The following PDZRN3 variants were observed in gnomAD, a reference collection of about 807,000 sequenced individuals.
PDZRN3 encodes E3 ubiquitin-protein ligase PDZRN3.
A neutral mutation model predicts 85.7 loss-of-function variants in PDZRN3; 38 were observed. The ratio of observed to expected loss-of-function variants is 0.44; its 90% CI spans 0.34 to 0.58. The LOEUF is 0.58. Ranked by LOEUF, PDZRN3 falls within the 20% of genes least tolerant of loss-of-function variation. The pLI is 0.01. For synonymous variants in PDZRN3, 759 were observed against 638.0 expected (o/e 1.19, Z -2.86); for missense variants, 1,629 against 1,506.4 (o/e 1.08, Z -1.35).
At chr3:73,433,921 C>T (rs577722326) in intron 3 of PDZRN3, 16 of 1,419,146 alleles carry the variant, frequency 1.1e-5, no homozygotes, top group East Asian at 1.0e-4. Context: ...CATGCATGCA[C>T]GCGCGTGCAC....
chr3:73,474,625 C>A, intron 3 of PDZRN3: 14 of 1,231,432 alleles, frequency 1.1e-5, no homozygotes, highest in Non-Finnish European at 1.5e-5. Flanking sequence ...GAGTACTGAG[C>A]AAATGCTATG....
intron 3 of PDZRN3, among the ~76,000 whole-genome samples, chr3:73,489,144 G>A (rs1302655532): frequency 6.6e-6 from 1 of 152,208 alleles, no homozygotes; most frequent in East Asian, 1.9e-4. Context: ...AGCAGGAGAG[G>A]TACCCAGCAG....
chr3:73,547,279 T>G (rs1258838273), intron 3 of PDZRN3, among the ~76,000 whole-genome samples: 2 of 152,230 alleles, frequency 1.3e-5, no homozygotes, highest in Admixed American at 1.3e-4. Flanking sequence ...TAGATAGTTG[T>G]TTTCTTTAAA....
chr3:73,568,659 A>G (rs1383200028), intron 3 of PDZRN3, among the ~76,000 whole-genome samples: 1 of 152,218 alleles, frequency 6.6e-6, no homozygotes, highest in Non-Finnish European at 1.5e-5. Context: ...ATGGTAGCAC[A>G]TGGCAGCAGA....
chr3:73,611,572 C>T (rs922983630), intron 1 of PDZRN3, among the ~76,000 whole-genome samples: 29 of 152,158 alleles, frequency 1.9e-4, no homozygotes, highest in Non-Finnish European at 2.9e-5. Context: ...AGTTGATTTA[C>T]AGTAGTAAAG....
At position 73,389,876 on chromosome 3, in the gene PDZRN3, A is replaced by G. The variant is rs754233825; in HGVS notation, c.1356T>C (p.Ile452=). 6.2e-7 allele frequency: 1 copy of G among 1,612,454 alleles called. No homozygotes were observed. The highest frequency in any genetic ancestry group is 1.7e-5 in the Admixed American group (1 of 60,032). Residue 452 remains isoleucine (I), a splice_region_variant and synonymous_variant, in exon 7 of 10, where the codon ATT becomes ATC. Transcript: ENST00000263666. ...EDDIGIYISE[I]DPNSIAAKDG... ...CCTTGGCTGCAATGCTGTTAGGGTC[A>G]ATCTGAAACACACATGGACCATCTC...
intron 3 of PDZRN3, among the ~76,000 whole-genome samples, chr3:73,579,828 C>CTGTG (rs893894162): frequency 1.3e-5 from 2 of 151,164 alleles, no homozygotes; most frequent in African/African-American, 2.4e-5. Flanking sequence ...TGGAGTGTCT[C>CTGTG]TGTGTGTGTG....
chr3:73,612,417 T>C (rs998431822), intron 1 of PDZRN3, among the ~76,000 whole-genome samples: 4 of 152,214 alleles, frequency 2.6e-5, no homozygotes, highest in Non-Finnish European at 5.9e-5. Flanking sequence ...AGACAATTAA[T>C]TCATCTGGCA....
chr3:73,475,832 G>A (rs141844053), intron 3 of PDZRN3, among the ~76,000 whole-genome samples: 1 of 152,336 alleles, frequency 6.6e-6, no homozygotes, highest in East Asian at 1.9e-4. Context: ...TGGCAAAGGA[G>A]CAAATGCAAG....
intron 2 of PDZRN3, among the ~76,000 whole-genome samples, chr3:73,605,207 C>CAAACAAAAAA (rs1702579786): frequency 1.0e-5 from 1 of 96,462 alleles, no homozygotes. Context: ...ACCCCCGTCT[C>CAAACAAAAAA]AAAAAAAAAA....
intron 7 of PDZRN3, among the ~76,000 whole-genome samples, chr3:73,388,667 A>C (rs1701450217): frequency 6.6e-6 from 1 of 151,970 alleles, no homozygotes; most frequent in Non-Finnish European, 1.5e-5. Flanking sequence ...TCCTGGTGGA[A>C]CGCCGCCTCC....
intron 2 of PDZRN3, 107 bp downstream of exon 2, chr3:73,608,491 G>T (rs1226046754): frequency 6.8e-6 from 5 of 740,404 alleles, no homozygotes; most frequent in Non-Finnish European, 1.2e-5. Context: ...ACAGAGAGCA[G>T]AATGAAGTGA....
At chr3:73,443,921 A>C (rs1702697622) in intron 3 of PDZRN3, among the ~76,000 whole-genome samples, 1 of 152,188 alleles carries the variant, frequency 6.6e-6, no homozygotes. Flanking sequence ...AAAAATAATC[A>C]CATCAATTTC....
chr3:73,387,723 T>G (rs1701427050), intron 8 of PDZRN3, among the ~76,000 whole-genome samples: 1 of 152,176 alleles, frequency 6.6e-6, no homozygotes, highest in African/African-American at 2.4e-5. Flanking sequence ...TTCCTTTTCC[T>G]TCCCTATGAT....
chr3:73,523,171 C>T (rs1405935858), intron 3 of PDZRN3, among the ~76,000 whole-genome samples: 1 of 152,110 alleles, frequency 6.6e-6, no homozygotes, highest in African/African-American at 2.4e-5. Flanking sequence ...GGACTACAGG[C>T]ATGCATCACC....
At chr3:73,464,048 C>T (rs906675479) in intron 3 of PDZRN3, among the ~76,000 whole-genome samples, 3 of 152,150 alleles carry the variant, frequency 2.0e-5, no homozygotes, top group African/African-American at 7.2e-5. Context: ...TGAAACAGGG[C>T]GATCTCGGCT....
At chr3:73,589,049 ATTTT>A (rs11341187) in intron 3 of PDZRN3, among the ~76,000 whole-genome samples, 1 of 140,618 alleles carries the variant, frequency 7.1e-6, no homozygotes, top group African/African-American at 2.6e-5. Context: ...AGAAGATATG[ATTTT>A]TTTTTTTTTT....
chr3:73,608,638 C>T lies in PDZRN3; in HGVS notation c.770G>A (p.Gly257Asp). ...SLTLVLHRDS[G>D]SLGFNIIGGR... ...ACCAATAATATTGAATCCCAGGGAG[C>T]CGGAGTCCCGATGCAGGACAAGAGT... The change falls in exon 2 of 10, where the codon GGC becomes GAC. Residue 257 changes from glycine (G) to aspartate (D), a missense_variant. Physicochemically the swap from Gly to Asp is moderately conservative, Grantham distance 94. Coordinates refer to ENST00000263666, the MANE Select transcript of PDZRN3 (RefSeq NM_015009.3). The T allele has an allele frequency of 6.2e-7, 1 of 1,612,876 alleles. No individual in the cohort carries two copies. The highest frequency in any genetic ancestry group is 2.2e-5 in the East Asian group (1 of 44,844).
At chr3:73,390,728 G>A (rs916422993) in intron 6 of PDZRN3, among the ~76,000 whole-genome samples, 11 of 151,572 alleles carry the variant, frequency 7.3e-5, no homozygotes, top group Admixed American at 2.0e-4. Context: ...AACACGAGTT[G>A]GGAAATGTGA....
Sources: gnomAD v4.1 joint callset for allele counts (sites outside exome capture counted in the v4.1 genomes callset) on GRCh38, gnomAD v4.1.1 for gene constraint, MANE v1.5 for transcripts, NCBI Gene and HGNC (gene_info 2026-07-23, HGNC 2026-07-21) for gene names.